Variants in RERE observed in about 807,000 individuals in gnomAD.
The protein encoded by RERE is arginine-glutamic acid dipeptide repeats protein.
A neutral mutation model predicts 146.1 loss-of-function variants in RERE; 40 were observed. That is an observed-to-expected ratio of 0.27 (90% CI 0.21 to 0.36). The LOEUF is 0.36. RERE is among the 10% of genes least tolerant of loss of function. The pLI, the probability that RERE is intolerant of heterozygous loss-of-function variation, is 1.00. For missense variants in RERE, 1,933 were observed against 2,138.7 expected (o/e 0.90, Z 1.90); for synonymous variants, 1,003 against 866.0 (o/e 1.16, Z -2.78).
intron 4 of RERE, among the ~76,000 whole-genome samples, chr1:8,561,524 G>C (rs1160552011): frequency 6.6e-6 from 1 of 152,118 alleles, no homozygotes; most frequent in African/African-American, 2.4e-5. Flanking sequence ...GAAAAGTGAA[G>C]GGGTGGAACA....
chr1:8,670,594 AG>A (rs1247684069), intron 1 of RERE, among the ~76,000 whole-genome samples: 2 of 152,214 alleles, frequency 1.3e-5, no homozygotes, highest in Non-Finnish European at 2.9e-5. Flanking sequence ...ATCACTGGCA[AG>A]GGATCACTGG....
chr1:8,357,927 C>T (rs1221413003), intron 20 of RERE, among the ~76,000 whole-genome samples: 2 of 152,248 alleles, frequency 1.3e-5, no homozygotes, highest in African/African-American at 2.4e-5. Context: ...CACTTCCCTC[C>T]ATCCCAGGCA....
chr1:8,654,838 C>T (rs1450129288), intron 2 of RERE, among the ~76,000 whole-genome samples: 2 of 151,878 alleles, frequency 1.3e-5, no homozygotes, highest in East Asian at 1.9e-4. Flanking sequence ...GGTCTCACTA[C>T]GTTGCCCAGG....
chr1:8,731,048 T>C (rs1248018725), intron 1 of RERE, among the ~76,000 whole-genome samples: 1 of 151,738 alleles, frequency 6.6e-6, no homozygotes, highest in Non-Finnish European at 1.5e-5. Flanking sequence ...AGGAAAAAAA[T>C]CACAAGAAAA....
At chr1:8,751,820 A>G (rs1033767367) in intron 1 of RERE, among the ~76,000 whole-genome samples, 32 of 151,998 alleles carry the variant, frequency 2.1e-4, no homozygotes, top group Admixed American at 1.6e-3. Flanking sequence ...CTAGTTATAT[A>G]TGCAAGGCAC....
intron 1 of RERE, among the ~76,000 whole-genome samples, chr1:8,669,392 C>T (rs1638662833): frequency 6.6e-6 from 1 of 152,136 alleles, no homozygotes; most frequent in Admixed American, 6.5e-5. Context: ...AGCCACCATG[C>T]CCAGCCAATT....
intron 8 of RERE, among the ~76,000 whole-genome samples, chr1:8,500,648 G>A (rs1343515486): frequency 6.6e-6 from 1 of 152,150 alleles, no homozygotes; most frequent in Admixed American, 6.5e-5. Context: ...TGGGAAGTGA[G>A]GAGCGTCTCT....
chr1:8,758,190 A>G (rs1180578416), intron 1 of RERE, among the ~76,000 whole-genome samples: 1 of 151,946 alleles, frequency 6.6e-6, no homozygotes, highest in Admixed American at 6.6e-5. Flanking sequence ...GGTTCAAGCA[A>G]TTCTCCTGCC....
rs572122798 is a variant in RERE, at chr1:8,451,357, G to A, written c.1203+14568C>T. 6.6e-5 allele frequency among the ~76,000 whole-genome samples: 10 copies of A among 152,244 alleles called. No homozygotes were observed. The East Asian group carries it at 7.7e-4, about 12-fold the overall frequency. On this transcript the variant is annotated intron_variant, in intron 11 of 22. Coordinates refer to ENST00000400908, the MANE Select transcript of RERE (RefSeq NM_001042681.2). ...TGAGGCAGGAGAACAGCTTGAACCC[G>A]GAAGGCAGAGGTTGCAGTGAGCTGA...
At chr1:8,357,127 A>C (rs1641328055) in intron 20 of RERE, among the ~76,000 whole-genome samples, 1 of 152,196 alleles carries the variant, frequency 6.6e-6, no homozygotes, top group Non-Finnish European at 1.5e-5. Flanking sequence ...AACGTGGCAC[A>C]CGTCTTTCAA....
chr1:8,479,667 G>C (rs1391945998), intron 10 of RERE, among the ~76,000 whole-genome samples: 1 of 152,228 alleles, frequency 6.6e-6, no homozygotes, highest in Admixed American at 6.5e-5. Context: ...GCCACCAGTA[G>C]CTACAAGAGG....
At chr1:8,470,437 A>G (rs141582190) in intron 10 of RERE, among the ~76,000 whole-genome samples, 9,431 of 151,686 alleles carry the variant, frequency 0.062, 346 homozygotes, top group Middle Eastern at 0.11. Flanking sequence ...AATTTTTTGT[A>G]TTTTTAGTAG....
chr1:8,366,933 A>AC lies in RERE; in HGVS notation c.1285-960_1285-959insG, dbSNP rs1557592147. 4.2e-4 allele frequency among the ~76,000 whole-genome samples: 63 copies of AC among 149,574 alleles called. 1 individual carries two copies. The highest frequency in any genetic ancestry group is 8.5e-4 in the South Asian group (4 of 4,712). On this transcript the variant is annotated intron_variant, in intron 12 of 22. Transcript: ENST00000400908. ...AAAAAAAACAAAAAAAAAAAACAAA[A>AC]AAAAAAAACCCAAAAAACAAACACA...
intron 8 of RERE, among the ~76,000 whole-genome samples, chr1:8,506,152 C>T (rs1263472565): frequency 2.0e-5 from 3 of 152,136 alleles, no homozygotes; most frequent in Non-Finnish European, 4.4e-5. Context: ...TAGTAAAATA[C>T]AGTGCAAGAG....
At chr1:8,737,302 T>C (rs1037776539) in intron 1 of RERE, among the ~76,000 whole-genome samples, 2 of 151,962 alleles carry the variant, frequency 1.3e-5, no homozygotes, top group Admixed American at 6.6e-5. Context: ...CCACTTAGAG[T>C]TTGCCAGACA....
chr1:8,498,728 T>TACAC lies in RERE; in HGVS notation c.880-1200_880-1199insGTGT, dbSNP rs1216791448. Among the ~76,000 whole-genome samples the TACAC allele has an allele frequency of 6.5e-3, 74 of 11,398 alleles. 1 individual carries two copies. Among genetic ancestry groups the TACAC allele is most frequent in the Middle Eastern group, 0.036 (1 of 28 alleles). The allele number at this position is 11,398 out of a possible 152,430, so 7.5% of individuals were successfully genotyped here. A position where few individuals can be genotyped will look rare whatever the true frequency, so the allele number is the denominator to read the frequency against. On this transcript the variant is annotated intron_variant, in intron 8 of 22. Transcript: ENST00000400908. ...AAAAAAATAAAAAAAAAAAAATAAA[T>TACAC]ATATACACACACACACACACACACA...
chr1:8,783,496 C>A lies in RERE; in HGVS notation c.-145+33664G>T, dbSNP rs371622510. 9.7e-4 allele frequency among the ~76,000 whole-genome samples: 147 copies of A among 152,266 alleles called. 1 individual carries two copies. Among genetic ancestry groups the A allele is most frequent in the African/African-American group, 3.5e-3 (144 of 41,544 alleles). On this transcript the variant is annotated intron_variant, in intron 1 of 22. Coordinates refer to ENST00000400908, the MANE Select transcript of RERE (RefSeq NM_001042681.2). ...CTCCCACCTATCTCATTATTTCTAG[C>A]CTGTTGTCCCAGTCTGCTGTCCACA...
intron 1 of RERE, among the ~76,000 whole-genome samples, chr1:8,708,690 T>C (rs1639604708): frequency 6.6e-6 from 1 of 152,058 alleles, no homozygotes; most frequent in Non-Finnish European, 1.5e-5. Context: ...CCTGCTGTCA[T>C]CCATAGAAGA....
chr1:8,659,744 T>C (rs188640722), intron 1 of RERE, among the ~76,000 whole-genome samples: 2 of 152,264 alleles, frequency 1.3e-5, no homozygotes, highest in Non-Finnish European at 2.9e-5. Context: ...AAAATCATTC[T>C]CCCTGGGGTT....
Sources: gnomAD v4.1 joint callset for allele counts (sites outside exome capture counted in the v4.1 genomes callset) on GRCh38, gnomAD v4.1.1 for gene constraint, MANE v1.5 for transcripts, NCBI Gene and HGNC (gene_info 2026-07-23, HGNC 2026-07-21) for gene names.